Variants in OFD1 observed in about 807,000 individuals in gnomAD.
The protein encoded by OFD1 is centriole and centriolar satellite protein OFD1.
In OFD1, 12 loss-of-function variants were observed where a neutral mutation model predicts 81.4. The ratio of observed to expected loss-of-function variants is 0.15; its 90% CI spans 0.09 to 0.24. The LOEUF (loss-of-function observed/expected upper bound fraction) is 0.24, where lower values mean the gene tolerates loss of function less well. Among genes scored for constraint, OFD1 ranks in the 10% least tolerant of loss-of-function variants. OFD1 has a pLI of 1.00. For synonymous variants in OFD1, 256 were observed against 263.7 expected (o/e 0.97, Z 0.28); for missense variants, 685 against 733.9 (o/e 0.93, Z 0.77).
At chrX:13,740,141 A>G in intron 5 of OFD1, 2 of 970,533 alleles carry the variant, frequency 2.1e-6, no homozygotes, top group Non-Finnish European at 2.6e-6. Context: ...TGTTAGCAGA[A>G]TATAAATAAA....
the OFD1 span, among the ~76,000 whole-genome samples, chrX:13,723,700 A>C: frequency 6.3e-5 from 7 of 110,942 alleles, no homozygotes; most frequent in Non-Finnish European, 1.3e-4. Context: ...TTGAGGAGGT[A>C]GCTACACAGA....
At position 13,762,407 on chromosome X, in the gene OFD1, T is replaced by G; in HGVS notation, c.2451T>G (p.Ala817=). 1 of 1,197,316 alleles carries G rather than the reference T, an allele frequency of 8.4e-7. No individual in the cohort carries two copies. Among genetic ancestry groups the G allele is most frequent in the African/African-American group, 1.7e-5 (1 of 57,672 alleles). ...AATTTTCAGATGTGGACAAGCTAGC[T>G]TTTAAGGATAATGAGGAGTTTGAAT... ...KSEFSDVDKL[A]FKDNEEFESS... is the part of the protein sequence containing the mutation. The change falls in exon 18 of 23, where the codon GCT becomes GCG. Residue 817 remains alanine, a synonymous_variant. Transcript: ENST00000340096.
At chrX:13,753,949 A>G (rs2047599192) in intron 11 of OFD1, among the ~76,000 whole-genome samples, 1 of 109,928 alleles carries the variant, frequency 9.1e-6, no homozygotes, top group Non-Finnish European at 1.9e-5. Flanking sequence ...AAGTTGAATA[A>G]TTTTTCAATC....
chrX:13,728,854 A>G, the OFD1 span, among the ~76,000 whole-genome samples: 1 of 112,063 alleles, frequency 8.9e-6, no homozygotes, highest in East Asian at 2.8e-4. Context: ...AGAAAACCCC[A>G]TGGTCTCAGT....
At chrX:13,766,099 A>C (rs770569911) in intron 19 of OFD1, among the ~76,000 whole-genome samples, 12 of 112,070 alleles carry the variant, frequency 1.1e-4, no homozygotes, top group Non-Finnish European at 2.1e-4. Flanking sequence ...TTCTCGTACA[A>C]AGTTGGTGGT....
chrX:13,729,065 G>T, the OFD1 span, among the ~76,000 whole-genome samples: 1 of 111,531 alleles, frequency 9.0e-6, no homozygotes, highest in Non-Finnish European at 1.9e-5. Flanking sequence ...TCTTCAAGGA[G>T]AACTACAAAC....
Position 13,738,447 on chromosome X carries a change from G to GT in OFD1, c.313-395dup, listed in dbSNP as rs755145969. Among the ~76,000 whole-genome samples the GT allele has an allele frequency of 4.4e-3, 496 of 112,281 alleles. 1 individual carries two copies. Among genetic ancestry groups the GT allele is most frequent in the African/African-American group, 0.015 (470 of 30,904 alleles). On this transcript the variant is annotated intron_variant, in intron 3 of 22. Transcript: ENST00000340096. The stretch of plus-strand genomic sequence containing the variant: ...ATATTTTAAGTACACTTTAATTACG[G>GT]TTTTAAGGACAGTAAAAATCTATTT...
the OFD1 span, among the ~76,000 whole-genome samples, chrX:13,729,651 G>A: frequency 8.9e-6 from 1 of 112,097 alleles, no homozygotes; most frequent in Non-Finnish European, 1.9e-5. Context: ...GCTCAAGCCT[G>A]TAATCCCGGC....
intron 12 of OFD1, 55 bp downstream of exon 12, chrX:13,755,297 T>G: frequency 1.2e-6 from 1 of 863,441 alleles, no homozygotes; most frequent in Admixed American, 2.3e-5. Flanking sequence ...ATATGAAATT[T>G]TAGTCATACA....
intron 3 of OFD1, chrX:13,738,596 A>G (rs902087211): frequency 1.3e-5 from 4 of 302,739 alleles, no homozygotes; most frequent in African/African-American, 5.3e-5. Context: ...ATTTAGGCAT[A>G]TCATCTTTGA....
chrX:13,755,293 A>G (rs1166796697), intron 12 of OFD1, 51 bp downstream of exon 12: 1 of 881,281 alleles, frequency 1.1e-6, no homozygotes, highest in Non-Finnish European at 1.7e-6. Context: ...CAATATATGA[A>G]ATTTTAGTCA....
intron 5 of OFD1, among the ~76,000 whole-genome samples, chrX:13,741,138 C>CAAA (rs35393754): frequency 3.1e-5 from 3 of 97,506 alleles, no homozygotes; most frequent in African/African-American, 1.1e-4. Context: ...GACTCCGTCT[C>CAAA]AAAAAAAAAA....
At position 13,767,123 on chromosome X, in the gene OFD1, T is replaced by G. The variant is rs753195130; in HGVS notation, c.2600-4T>G. 1.1e-4 allele frequency: 129 copies of G among 1,201,557 alleles called. No homozygotes were observed. The highest frequency in any genetic ancestry group is 1.4e-4 in the Non-Finnish European group (121 of 888,422). ...AAGCTACTCTTTATTTTCTGTCCTA[T>G]TAGGTGTAGATCAGAAACAAATTGA... is the stretch of plus-strand genomic sequence containing the variant. On this transcript the variant is annotated splice_region_variant and splice_polypyrimidine_tract_variant and intron_variant, in intron 19 of 22. Coordinates refer to ENST00000340096, the MANE Select transcript of OFD1 (RefSeq NM_003611.3).
intron 11 of OFD1, among the ~76,000 whole-genome samples, chrX:13,754,906 C>T (rs949888685): frequency 8.9e-6 from 1 of 112,663 alleles, no homozygotes. Context: ...GGGCCCTGTG[C>T]TTTGAGCACA....
In OFD1 at chrX:13,760,726, C is replaced by T. The variant is rs1420442995; in HGVS notation, c.2260+6C>T. 1 of 1,211,084 alleles carries T rather than the reference C, an allele frequency of 8.3e-7. No individual in the cohort carries two copies. Among genetic ancestry groups the T allele is most frequent in the East Asian group, 3.0e-5 (1 of 33,791 alleles). ...AAGTGAAATGTATCTGGAAGGTAAG[C>T]CACCCGCACAAAGGGTTGCGGGGTG... On this transcript the variant is annotated splice_donor_region_variant and intron_variant, in intron 16 of 22. Transcript: ENST00000340096.
intron 3 of OFD1, chrX:13,738,547 T>G (rs1183914274): frequency 2.0e-5 from 4 of 201,871 alleles, no homozygotes; most frequent in Non-Finnish European, 3.6e-5. Context: ...TAGTCATTGG[T>G]TCATCAGATA....
At position 13,765,045 on chromosome X, in the gene OFD1, A is replaced by T. The variant is rs762071103; in HGVS notation, c.2599+1190A>T. Among the ~76,000 whole-genome samples the T allele has an allele frequency of 3.3e-4, 37 of 112,416 alleles. No homozygotes were observed. The South Asian group carries it at 0.013, about 40-fold the overall frequency. On this transcript the variant is annotated intron_variant, in intron 19 of 22. Coordinates refer to ENST00000340096, the MANE Select transcript of OFD1 (RefSeq NM_003611.3). ...ATAATGTGATAGGATAAGGGAAATC[A>T]ACTGAGTAACTAGGTGTTCTGCTGC...
the OFD1 span, among the ~76,000 whole-genome samples, chrX:13,725,811 GA>G: frequency 8.9e-6 from 1 of 111,895 alleles, no homozygotes; most frequent in Non-Finnish European, 1.9e-5. Flanking sequence ...AAACTTCTCT[GA>G]GCTAAAGGAG....
intron 19 of OFD1, among the ~76,000 whole-genome samples, chrX:13,765,422 ATT>A (rs1394978683): frequency 1.8e-5 from 2 of 110,728 alleles, no homozygotes; most frequent in Non-Finnish European, 3.8e-5. Context: ...AGGAGTAACT[ATT>A]TTTTCTTCTC....
Sources: allele counts gnomAD v4.1 joint callset (sites outside exome capture counted in the v4.1 genomes callset), GRCh38; gene constraint gnomAD v4.1.1; transcripts MANE v1.5; gene names NCBI Gene and HGNC (gene_info 2026-07-23, HGNC 2026-07-21).